Variants in TMEM132B observed in about 807,000 individuals in gnomAD.
The protein encoded by TMEM132B is transmembrane protein 132B.
TMEM132B carries 18 observed loss-of-function variants against 90.8 expected under a neutral mutation model. That is an observed-to-expected ratio of 0.20 (90% CI 0.14 to 0.29). TMEM132B has a LOEUF of 0.29. TMEM132B is among the 10% of genes least tolerant of loss of function. The probability of loss-of-function intolerance (pLI) is 1.00; values close to 1 mark genes in which losing one functional copy is unlikely to be tolerated. For synonymous variants in TMEM132B, 504 were observed against 523.3 expected, an observed-to-expected ratio of 0.96 and a Z score of 0.50; for missense variants, 1,096 against 1,326.8, an observed-to-expected ratio of 0.83 and a Z score of 2.70.
chr12:125,289,033 A>G (rs1001805712), intron 1 of TMEM132B, among the ~76,000 whole-genome samples: 3 of 152,134 alleles, frequency 2.0e-5, no homozygotes, highest in African/African-American at 7.2e-5. Flanking sequence ...CCTTATTGCA[A>G]GGAGTTAAGC....
At chr12:125,231,376 A>T (rs1391710555) in intron 1 of TMEM132B, among the ~76,000 whole-genome samples, 1 of 152,132 alleles carries the variant, frequency 6.6e-6, no homozygotes, top group Non-Finnish European at 1.5e-5. Context: ...TTTTGAGGTG[A>T]AGGGGCCACT....
chr12:125,541,802 G>A (rs1236764565), intron 4 of TMEM132B, among the ~76,000 whole-genome samples: 1 of 151,318 alleles, frequency 6.6e-6, no homozygotes, highest in Admixed American at 6.6e-5. Flanking sequence ...GATGGATCAC[G>A]AGGTCAGGAG....
At chr12:125,391,594 T>A (rs1879020932) in intron 2 of TMEM132B, among the ~76,000 whole-genome samples, 1 of 152,152 alleles carries the variant, frequency 6.6e-6, no homozygotes, top group Non-Finnish European at 1.5e-5. Flanking sequence ...GGAGCCACCA[T>A]GTGGGATGTC....
At chr12:125,437,757 T>C (rs1366351537) in intron 3 of TMEM132B, among the ~76,000 whole-genome samples, 1 of 152,118 alleles carries the variant, frequency 6.6e-6, no homozygotes, top group African/African-American at 2.4e-5. Context: ...ATATATGAAA[T>C]GTCCAGAATA....
chr12:125,606,752 G>A (rs1885706003), intron 5 of TMEM132B, among the ~76,000 whole-genome samples: 2 of 152,144 alleles, frequency 1.3e-5, no homozygotes, highest in African/African-American at 4.8e-5. Flanking sequence ...AACAGCTCCA[G>A]TCCCGGTGAC....
chr12:125,313,915 G>A (rs749449267), intron 1 of TMEM132B, among the ~76,000 whole-genome samples: 5 of 151,346 alleles, frequency 3.3e-5, no homozygotes, highest in East Asian at 2.0e-4. Flanking sequence ...CCTGTGTGTC[G>A]CCAAAGTGTC....
intron 5 of TMEM132B, among the ~76,000 whole-genome samples, chr12:125,588,798 C>T (rs975721879): frequency 5.3e-5 from 8 of 152,116 alleles, no homozygotes; most frequent in African/African-American, 9.7e-5. Context: ...ATAAATTTCC[C>T]GCTCATTCTC....
intron 3 of TMEM132B, 100 bp from the exon 4 acceptor site, chr12:125,519,336 ATTC>A: frequency 8.0e-7 from 1 of 1,251,394 alleles, no homozygotes; most frequent in Non-Finnish European, 1.1e-6. Context: ...CTTGGCAGTC[ATTC>A]TTTTGGTTGA....
In TMEM132B at chr12:125,407,719, C is replaced by A. The variant is rs527724352; in HGVS notation, c.960-7812C>A. On this transcript the variant is annotated intron_variant, in intron 2 of 8. Transcript: ENST00000682704. The surrounding 1 kb of genome is among the most constrained non-coding windows in gnomAD (Gnocchi z 6.7). ...TCTTGTCGCTCAGAACCAAAGGGAC[C>A]GCGGACACCTGGTGGAGGTCTGGGG... 2.0e-5 allele frequency among the ~76,000 whole-genome samples: 3 copies of A among 152,104 alleles called. No homozygotes were observed. The highest frequency in any genetic ancestry group is 7.2e-5 in the African/African-American group (3 of 41,398).
chr12:125,295,687 C>T (rs994924371), intron 1 of TMEM132B, among the ~76,000 whole-genome samples: 3 of 152,088 alleles, frequency 2.0e-5, no homozygotes, highest in Non-Finnish European at 2.9e-5. Context: ...TTGCCCAAAG[C>T]GTAGGAGGCA....
chr12:125,377,081 C>A (rs1878516435), intron 2 of TMEM132B, among the ~76,000 whole-genome samples: 1 of 152,236 alleles, frequency 6.6e-6, no homozygotes, highest in Non-Finnish European at 1.5e-5. Context: ...GGCCAGCAGC[C>A]TGCGTTTCCC....
chr12:125,506,584 A>C (rs1263511897), intron 3 of TMEM132B, among the ~76,000 whole-genome samples: 1 of 152,228 alleles, frequency 6.6e-6, no homozygotes, highest in Admixed American at 6.5e-5. Context: ...ATTTCTATGT[A>C]ACTTATGGCT....
At position 125,534,885 on chromosome 12, in the gene TMEM132B, C is replaced by T. The variant is rs79862121; in HGVS notation, c.1293+15260C>T. ...AATTAAAAATTCAGTTTCTCAATTG[C>T]ACATGCCACATTTCAAGTGCTCAGT... On this transcript the variant is annotated intron_variant, in intron 4 of 8. Transcript: ENST00000682704. Among the ~76,000 whole-genome samples, 608 of 152,262 alleles carry T rather than the reference C, an allele frequency of 4.0e-3. 4 individuals carry two copies. Among genetic ancestry groups the T allele is most frequent in the African/African-American group, 0.014 (584 of 41,538 alleles).
intron 2 of TMEM132B, among the ~76,000 whole-genome samples, chr12:125,412,024 C>T (rs116798937): frequency 6.6e-6 from 1 of 152,316 alleles, no homozygotes; most frequent in African/African-American, 2.4e-5. Context: ...ACGGCACCCC[C>T]CGTGCTAGGA....
At chr12:125,451,922 C>T (rs1881161942) in intron 3 of TMEM132B, among the ~76,000 whole-genome samples, 1 of 152,160 alleles carries the variant, frequency 6.6e-6, no homozygotes, top group Non-Finnish European at 1.5e-5. Flanking sequence ...CACTCTTATT[C>T]CCATGGTGTG....
intron 1 of TMEM132B, among the ~76,000 whole-genome samples, chr12:125,189,475 C>G (rs1957782762): frequency 6.6e-6 from 1 of 152,122 alleles, no homozygotes; most frequent in Non-Finnish European, 1.5e-5. Context: ...CTCTCTTCCT[C>G]CTGCCTGGCA....
intron 1 of TMEM132B, among the ~76,000 whole-genome samples, chr12:125,322,313 G>A (rs908166503): frequency 1.3e-5 from 2 of 152,140 alleles, no homozygotes; most frequent in East Asian, 1.9e-4. Flanking sequence ...TTCACCTTCC[G>A]CCATGATTGT....
intron 4 of TMEM132B, among the ~76,000 whole-genome samples, chr12:125,556,010 C>G (rs1392320538): frequency 6.6e-6 from 1 of 152,172 alleles, no homozygotes; most frequent in Non-Finnish European, 1.5e-5. Flanking sequence ...ACATCTGTAT[C>G]TTTGGAGAAG....
chr12:125,350,427 C>T, intron 2 of TMEM132B, 84 bp downstream of exon 2: 6 of 1,442,224 alleles, frequency 4.2e-6, no homozygotes, highest in Non-Finnish European at 5.6e-6. Flanking sequence ...GGGTGTTGAT[C>T]ATTTGCTGAC....
Sources: allele counts gnomAD v4.1 joint callset (sites outside exome capture counted in the v4.1 genomes callset), GRCh38; gene constraint gnomAD v4.1.1; non-coding constraint Gnocchi (gnomAD v3.1); transcripts MANE v1.5; gene names NCBI Gene and HGNC (gene_info 2026-07-23, HGNC 2026-07-21).